The following TARP variants were observed in gnomAD, a reference collection of about 807,000 sequenced individuals.
chr7:38,270,461 T>C, the TARP span, among the ~76,000 whole-genome samples: 1 of 151,296 alleles, frequency 6.6e-6, no homozygotes, highest in East Asian at 1.9e-4. Context: ...TAAAGTCTAA[T>C]ATATGCAGTC....
chr7:38,272,528 CAA>C, the TARP span, among the ~76,000 whole-genome samples: 1 of 140,074 alleles, frequency 7.1e-6, no homozygotes, highest in African/African-American at 2.7e-5. Flanking sequence ...GTAAAACAAA[CAA>C]ACAAAAAGCA....
chr7:38,270,981 G>A, the TARP span, among the ~76,000 whole-genome samples: 1 of 150,820 alleles, frequency 6.6e-6, no homozygotes, highest in East Asian at 1.9e-4. Flanking sequence ...TTAGTAAGAT[G>A]TATGTATTCC....
At chr7:38,265,572 T>A in the TARP span, 160 of 1,612,022 alleles carry the variant, frequency 9.9e-5, 4 homozygotes, top group South Asian at 1.5e-3. Flanking sequence ...CAGGGAAAAA[T>A]TTCTCAAGAA....
At chr7:38,267,947 T>C in the TARP span, among the ~76,000 whole-genome samples, 2 of 151,630 alleles carry the variant, frequency 1.3e-5, no homozygotes, top group African/African-American at 4.8e-5. Context: ...GTCCCCTTTC[T>C]TTAGCTAGAT....
the TARP span, among the ~76,000 whole-genome samples, chr7:38,266,349 C>G: frequency 1.3e-5 from 2 of 151,236 alleles, no homozygotes; most frequent in African/African-American, 4.9e-5. Context: ...CTCTGTCGTC[C>G]AGGTTGGAAT....
the TARP span, among the ~76,000 whole-genome samples, chr7:38,261,754 C>T: frequency 1.9e-4 from 28 of 150,756 alleles, no homozygotes; most frequent in Non-Finnish European, 3.5e-4. Context: ...CGCCTGTAGT[C>T]CCAGCTACTC....
chr7:38,270,074 C>A, the TARP span, among the ~76,000 whole-genome samples: 15 of 152,026 alleles, frequency 9.9e-5, no homozygotes, highest in Admixed American at 8.6e-4. Context: ...TGCACTCCTG[C>A]CTGGGCAACA....
At chr7:38,271,373 A>G in the TARP span, among the ~76,000 whole-genome samples, 1 of 151,030 alleles carries the variant, frequency 6.6e-6, no homozygotes, top group Non-Finnish European at 1.5e-5. Context: ...TTTTCCCCAA[A>G]ATTTTCTCTC....
the TARP span, among the ~76,000 whole-genome samples, chr7:38,270,142 A>G: frequency 1.3e-5 from 2 of 151,888 alleles, no homozygotes; most frequent in African/African-American, 4.8e-5. Flanking sequence ...TATGATGATG[A>G]TGATGTCATT....
chr7:38,261,121 T>G, the TARP span, among the ~76,000 whole-genome samples: 7 of 151,730 alleles, frequency 4.6e-5, no homozygotes, highest in African/African-American at 1.7e-4. Flanking sequence ...GTAGGTCACT[T>G]ACACCTAATC....
chr7:38,273,572 T>G, the TARP span: 3 of 1,594,152 alleles, frequency 1.9e-6, no homozygotes, highest in Non-Finnish European at 2.6e-6. Flanking sequence ...ATTGCAAAAT[T>G]TAAAGAAAAC....
the TARP span, among the ~76,000 whole-genome samples, chr7:38,269,134 G>C: frequency 1.2e-4 from 18 of 151,742 alleles, no homozygotes; most frequent in East Asian, 3.9e-4. Flanking sequence ...GAGTAAACAT[G>C]TCTTTGACCA....
chr7:38,260,726 T>C, the TARP span, among the ~76,000 whole-genome samples: 98 of 151,956 alleles, frequency 6.4e-4, 3 homozygotes, highest in South Asian at 0.018. Flanking sequence ...AATTTCCATT[T>C]ATATGTTTTG....
chr7:38,259,936 T>C, the TARP span: 1 of 758,366 alleles, frequency 1.3e-6, no homozygotes, highest in South Asian at 1.9e-5. Flanking sequence ...TGCCCACTGG[T>C]TTGAAAACCG....
the TARP span, among the ~76,000 whole-genome samples, chr7:38,266,567 C>A: frequency 1.3e-5 from 2 of 151,802 alleles, no homozygotes; most frequent in African/African-American, 4.8e-5. Context: ...CTCCCAAATC[C>A]TGGGATTATA....
chr7:38,268,845 C>T, the TARP span, among the ~76,000 whole-genome samples: 1 of 151,298 alleles, frequency 6.6e-6, no homozygotes, highest in Non-Finnish European at 1.5e-5. Context: ...ATTAGATGGA[C>T]TGAGAGCAAC....
At chr7:38,265,267 T>A in the TARP span, 77 of 1,041,958 alleles carry the variant, frequency 7.4e-5, no homozygotes, top group Non-Finnish European at 9.3e-5. Flanking sequence ...TTTATGTTTG[T>A]TTTTCATTAA....
At chr7:38,259,951 A>G in the TARP span, 6 of 813,454 alleles carry the variant, frequency 7.4e-6, no homozygotes, top group East Asian at 1.7e-4. Context: ...AAACCGTTAT[A>G]CAATAATGAT....
chr7:38,264,604 A>T, the TARP span, among the ~76,000 whole-genome samples: 1 of 150,288 alleles, frequency 6.7e-6, no homozygotes, highest in South Asian at 2.1e-4. Flanking sequence ...AAAAAAAAAG[A>T]CTTTTTACTT....
Sources: gnomAD v4.1 joint callset for allele counts (sites outside exome capture counted in the v4.1 genomes callset) on GRCh38, gnomAD v4.1.1 for gene constraint, MANE v1.5 for transcripts.